The following WHAMM variants were observed in gnomAD, a reference collection of about 807,000 sequenced individuals.
The protein encoded by WHAMM is WASP homolog-associated protein with actin, membranes and microtubules.
A neutral mutation model predicts 76.5 loss-of-function variants in WHAMM; 67 were observed. The ratio of observed to expected loss-of-function variants is 0.88; its 90% confidence interval spans 0.72 to 1.07. The LOEUF (loss-of-function observed/expected upper bound fraction) is 1.07, where lower values mean the gene tolerates loss of function less well. Among genes scored for constraint, WHAMM ranks in the 50% least tolerant of loss-of-function variants. The probability of loss-of-function intolerance (pLI) is 0.00; values close to 1 mark genes in which losing one functional copy is unlikely to be tolerated. For missense variants in WHAMM, 1,021 were observed against 1,051.1 expected (o/e 0.97, Z 0.40); for synonymous variants, 419 against 422.1 (o/e 0.99, Z 0.09).
At chr15:82,819,519 TAA>T in intron 5 of WHAMM, 31 bp downstream of exon 5, 1 of 1,075,238 alleles carries the variant, frequency 9.3e-7, no homozygotes, top group Middle Eastern at 2.3e-4. Flanking sequence ...TTGCAATGTT[TAA>T]ATTATAAATT....
chr15:82,833,404 C>T lies in WHAMM; in HGVS notation c.2298C>T (p.Ser766=), dbSNP rs2051069981. The T allele has an allele frequency of 6.2e-7, 1 of 1,613,992 alleles. No individual in the cohort carries two copies. The highest frequency in any genetic ancestry group is 1.3e-5 in the African/African-American group (1 of 75,036). ...CTGATCTTGGCCCAAACCCCAGCAG[C>T]AAACCAACCAGCAACAGACGCACCA... The part of the protein sequence containing the change: ...VHPDLGPNPS[S]KPTSNRRTSD... The change falls in exon 10 of 10, where the codon AGC becomes AGT. Residue 766 remains serine (S), a synonymous_variant. Coordinates refer to ENST00000286760, the MANE Select transcript of WHAMM (RefSeq NM_001080435.3).
chr15:82,832,647 AC>A (rs2051048968), intron 9 of WHAMM, among the ~76,000 whole-genome samples: 1 of 152,118 alleles, frequency 6.6e-6, no homozygotes, highest in Admixed American at 6.6e-5. Context: ...TGCCAGCACC[AC>A]CCCTCCGGTG....
intron 8 of WHAMM, 39 bp from the exon 9 acceptor site, chr15:82,830,560 A>C (rs374827701): frequency 6.9e-6 from 11 of 1,590,672 alleles, no homozygotes; most frequent in Non-Finnish European, 6.9e-6. Flanking sequence ...GATGGTTTGC[A>C]CTTGTGGCAG....
rs534949478 is a variant in WHAMM at position 82,826,809 on chromosome 15, G to A, written c.1604G>A (p.Arg535His). The change falls in exon 8 of 10, where the codon CGT becomes CAT. Residue 535 changes from arginine (R) to histidine (H), a missense_variant. Arg to His is a conservative substitution (Grantham distance 29). Transcript: ENST00000286760. ...QKKKEWINQE[R>H]QKTLQRLRSF... ...AAAAAAGAATGGATCAACCAAGAAC[G>A]TCAAAAAACACTCCAACGATTGAGA... 56 of 1,548,996 alleles carry A rather than the reference G, an allele frequency of 3.6e-5. No homozygotes were observed. The African/African-American group carries it at 3.7e-4, about 10-fold the overall frequency.
At chr15:82,831,791 T>C (rs937753230) in intron 9 of WHAMM, among the ~76,000 whole-genome samples, 16 of 152,142 alleles carry the variant, frequency 1.1e-4, no homozygotes, top group Non-Finnish European at 1.9e-4. Context: ...CTTTGGGGGG[T>C]ATGTGTGTGC....
Position 82,835,129 on chromosome 15 carries a change from TTTTG to T in WHAMM, c.*1597_*1600del, listed in dbSNP as rs1567002259. The T allele has an allele frequency of 1.2e-5, 1 of 85,438 alleles. No homozygotes were observed. The highest frequency in any genetic ancestry group is 2.3e-5 in the Non-Finnish European group (1 of 43,472). 5.3% of individuals were successfully genotyped at this position (85,438 alleles called of 1,614,324 possible). On this transcript the variant is annotated 3_prime_UTR_variant, in exon 10 of 10. Coordinates refer to ENST00000286760, the MANE Select transcript of WHAMM (RefSeq NM_001080435.3). ...AACAGAAATCTTCCTACTTCAGTTT[TTTTG>T]TTTTTTTTTTTGAGACAGAGTCTTG...
chr15:82,826,798 C>T lies in WHAMM; in HGVS notation c.1593C>T (p.Ile531=). Residue 531 remains isoleucine (I), a synonymous_variant, in exon 8 of 10, where the codon ATC becomes ATT. Coordinates refer to ENST00000286760, the MANE Select transcript of WHAMM (RefSeq NM_001080435.3). ...KEEEQKKKEW[I]NQERQKTLQR... The stretch of plus-strand genomic sequence containing the variant: ...AGGAGCAAAAGAAAAAAGAATGGAT[C>T]AACCAAGAACGTCAAAAAACACTCC... 6.5e-7 allele frequency: 1 copy of T among 1,549,294 alleles called. No homozygotes were observed. Among genetic ancestry groups the T allele is most frequent in the African/African-American group, 1.4e-5 (1 of 72,898 alleles).
intron 8 of WHAMM, among the ~76,000 whole-genome samples, chr15:82,828,076 C>T (rs2050966086): frequency 6.6e-6 from 1 of 152,174 alleles, no homozygotes; most frequent in Non-Finnish European, 1.5e-5. Context: ...CAAAAACAAC[C>T]CACTTTATCC....
Position 82,817,961 on chromosome 15 carries a change from C to A in WHAMM, c.976C>A (p.Gln326Lys). The change falls in exon 4 of 10, where the codon CAG becomes AAG. Residue 326 changes from glutamine (Q) to lysine (K), a missense_variant. By Grantham distance (53) the Gln-to-Lys change is moderately conservative (BLOSUM62 1). Coordinates refer to ENST00000286760, the MANE Select transcript of WHAMM (RefSeq NM_001080435.3). ...GGAACAGGATGCGAAGAGATTTGGT[C>A]AGGCTGCCTGGGCCACAGCAATTCC... is the stretch of plus-strand genomic sequence containing the variant. ...EMEQDAKRFGQAAWATAIPRL... is the reference protein window; with the variant it reads ...EMEQDAKRFGKAAWATAIPRL... 6.5e-7 allele frequency: 1 copy of A among 1,547,688 alleles called. No individual in the cohort carries two copies. Among genetic ancestry groups the A allele is most frequent in the South Asian group, 1.2e-5 (1 of 83,674 alleles).
intron 2 of WHAMM, among the ~76,000 whole-genome samples, chr15:82,813,835 T>C (rs904229188): frequency 1.3e-5 from 2 of 151,700 alleles, no homozygotes; most frequent in African/African-American, 4.8e-5. Context: ...TTTTTTTGTA[T>C]TTTTAGTAGA....
chr15:82,831,038 C>T lies in WHAMM; in HGVS notation c.2081C>T (p.Ala694Val). 1 of 1,610,876 alleles carries T rather than the reference C, an allele frequency of 6.2e-7. No individual in the cohort carries two copies. Among genetic ancestry groups the T allele is most frequent in the East Asian group, 2.2e-5 (1 of 44,870 alleles). Residue 694 changes from alanine to valine, a missense_variant, in exon 9 of 10, where the codon GCT (alanine) becomes GTT (valine). Ala to Val is a moderately conservative substitution (Grantham distance 64). Around this residue, in one of 3 missense-constraint regions of WHAMM, gnomAD observed 509 missense variants for 492.3 expected, o/e 1.03. Transcript: ENST00000286760. ...CGTCCTCTAGTGTGCGAATCACCTG[C>T]TGAGCGACCACGTGACTCCTTGGAA... ...QPRPLVCESP[A>V]ERPRDSLESF... is the part of the protein sequence containing the mutation.
chr15:82,818,271 T>G (rs2050761600), intron 4 of WHAMM, among the ~76,000 whole-genome samples, 182 bp downstream of exon 4: 1 of 152,148 alleles, frequency 6.6e-6, no homozygotes, highest in Admixed American at 6.5e-5. Context: ...ATATTTCTCA[T>G]CCCCCCTCCC....
rs375864576 is a variant in WHAMM at position 82,833,272 on chromosome 15, T to G, written c.2166T>G (p.Ala722=). Residue 722 remains alanine (A), a synonymous_variant, in exon 10 of 10, where the codon GCT becomes GCG. Coordinates refer to ENST00000286760, the MANE Select transcript of WHAMM (RefSeq NM_001080435.3). ...EVLASLRHGR[A]PLRKVEVPAV... ...TGGCCTCCTTAAGGCATGGCAGAGC[T>G]CCTCTCCGGAAGGTGGAAGTGCCGG... The G allele has an allele frequency of 5.1e-5, 83 of 1,613,784 alleles. No homozygotes were observed. The African/African-American group carries it at 1.0e-3, about 20-fold the overall frequency.
chr15:82,817,418 G>A (rs776920010), intron 3 of WHAMM, among the ~76,000 whole-genome samples: 2 of 152,132 alleles, frequency 1.3e-5, no homozygotes, highest in Non-Finnish European at 2.9e-5. Context: ...TTAAATAATT[G>A]TTGATAAAAA....
chr15:82,818,646 A>G (rs1472471849), intron 4 of WHAMM, among the ~76,000 whole-genome samples: 1 of 152,174 alleles, frequency 6.6e-6, no homozygotes, highest in Non-Finnish European at 1.5e-5. Flanking sequence ...AGTCACTTAA[A>G]TTTTTTCCTA....
In WHAMM at chr15:82,830,786, A is replaced by C. The variant is rs1212790809; in HGVS notation, c.1829A>C (p.Gln610Pro). The C allele has an allele frequency of 1.2e-6, 2 of 1,613,698 alleles. No homozygotes were observed. The highest frequency in any genetic ancestry group is 2.2e-5 in the East Asian group (1 of 44,888). The change falls in exon 9 of 10, where the codon CAA (glutamine) becomes CCA (proline). Residue 610 changes from glutamine (Q) to proline (P), a missense_variant. Gln to Pro is a moderately conservative substitution (Grantham distance 76, BLOSUM62 -1). Coordinates refer to ENST00000286760, the MANE Select transcript of WHAMM (RefSeq NM_001080435.3). Reference sequence around the variant, plus strand: ...GGTAATGTGAAAAGCCCCAAGTGTCAAAACTGTCATGGAAATATCCCTGTC... The same window carrying C: ...GGTAATGTGAAAAGCCCCAAGTGTCCAAACTGTCATGGAAATATCCCTGTC... ...EAGNVKSPKC[Q>P]NCHGNIPVQV...
At chr15:82,828,393 T>C (rs894242963) in intron 8 of WHAMM, among the ~76,000 whole-genome samples, 1 of 152,186 alleles carries the variant, frequency 6.6e-6, no homozygotes, top group African/African-American at 2.4e-5. Context: ...GAAATTCTGA[T>C]GTGATTGCCC....
Position 82,833,610 on chromosome 15 carries a change from A to ACCCTGT in WHAMM, c.*74_*75insCCCTGT. On this transcript the variant is annotated 3_prime_UTR_variant, in exon 10 of 10. Transcript: ENST00000286760. ...GTGAGTCTTAGACCTATCGAAAAGC[A>ACCCTGT]TACTAACAGGGTGCTGATAGATGGG... 1.3e-6 allele frequency: 2 copies of ACCCTGT among 1,501,252 alleles called. No homozygotes were observed. Among genetic ancestry groups the ACCCTGT allele is most frequent in the Non-Finnish European group, 1.8e-6 (2 of 1,114,656 alleles). The allele number at this position is 1,501,252 out of a possible 1,614,324, so 93.0% of individuals were successfully genotyped here.
Position 82,809,793 on chromosome 15 carries a change from C to G in WHAMM, c.67C>G (p.Pro23Ala), listed in dbSNP as rs756921641. Residue 23 changes from proline to alanine, a missense_variant, in exon 1 of 10, where the codon CCC becomes GCC. By Grantham distance (27) the Pro-to-Ala change is conservative. Coordinates refer to ENST00000286760, the MANE Select transcript of WHAMM (RefSeq NM_001080435.3). ...VPVREGLFAE[P>A]ERHRLRFLVA... The stretch of plus-strand genomic sequence containing the variant: ...GGTCCGGGAGGGCCTCTTCGCCGAG[C>G]CCGAGAGGCACCGGCTGCGCTTCCT... 48 of 1,601,656 alleles carry G rather than the reference C, an allele frequency of 3.0e-5. No individual in the cohort carries two copies. The African/African-American group carries it at 6.3e-4, about 21-fold the overall frequency.
Sources: gnomAD v4.1 joint callset for allele counts (sites outside exome capture counted in the v4.1 genomes callset) on GRCh38, gnomAD v4.1.1 for gene constraint, gnomAD v4.1.1 regional missense constraint, MANE v1.5 for transcripts, NCBI Gene and HGNC (gene_info 2026-07-23, HGNC 2026-07-21) for gene names.